SNTG2: variants seen among roughly 807,000 people sequenced by gnomAD.
The protein encoded by SNTG2 is gamma-2-syntrophin.
Under a neutral mutation model 70.9 loss-of-function variants are expected in SNTG2, and 74 were observed. That is an observed-to-expected ratio of 1.04 (90% confidence interval 0.86 to 1.27). SNTG2 has a LOEUF of 1.27. Ranked by LOEUF, SNTG2 falls within the 50% of genes most tolerant of loss-of-function variation. SNTG2 has a pLI of 0.00. For missense variants in SNTG2, 717 were observed against 690.7 expected, an observed-to-expected ratio of 1.04 and a Z score of -0.43; for synonymous variants, 278 against 273.8, an observed-to-expected ratio of 1.02 and a Z score of -0.15.
At chr2:1,066,115 A>G (rs1189294572) in intron 1 of SNTG2, among the ~76,000 whole-genome samples, 3 of 152,196 alleles carry the variant, frequency 2.0e-5, no homozygotes, top group Non-Finnish European at 2.9e-5. Context: ...TACAAGCAAT[A>G]CATTTTTGCC....
intron 6 of SNTG2, among the ~76,000 whole-genome samples, chr2:1,147,130 G>A (rs1669153424): frequency 6.6e-6 from 1 of 152,138 alleles, no homozygotes; most frequent in South Asian, 2.1e-4. Flanking sequence ...ATTATGTTAG[G>A]TATAATTATA....
At chr2:1,117,882 C>T (rs78129181) in intron 4 of SNTG2, among the ~76,000 whole-genome samples, 1,912 of 152,322 alleles carry the variant, frequency 0.013, 33 homozygotes, top group African/African-American at 0.041. Context: ...ATCTCCTGGG[C>T]TCTAGTTGCT....
chr2:1,318,839 T>A (rs571602461), intron 16 of SNTG2, among the ~76,000 whole-genome samples: 21 of 152,268 alleles, frequency 1.4e-4, no homozygotes, highest in Non-Finnish European at 2.6e-4. Flanking sequence ...TCTCATACTG[T>A]GAGGGTGCCG....
intron 6 of SNTG2, among the ~76,000 whole-genome samples, chr2:1,162,529 T>C: frequency 6.6e-6 from 1 of 152,086 alleles, no homozygotes; most frequent in Non-Finnish European, 1.5e-5. Context: ...ACAGTGGCTG[T>C]CACTTGCTGG....
In SNTG2 at chr2:1,063,863, G is replaced by A. The variant is rs543464054; in HGVS notation, c.73-19655G>A. Reference sequence around the variant, plus strand: ...AGATTCCCAGAAGAATGGAACAGAAGGGATATTTGAACATACAATGGCCAC... The same window carrying A: ...AGATTCCCAGAAGAATGGAACAGAAAGGATATTTGAACATACAATGGCCAC... On this transcript the variant is annotated intron_variant, in intron 1 of 16. Coordinates refer to ENST00000308624, the MANE Select transcript of SNTG2 (RefSeq NM_018968.4). Among the ~76,000 whole-genome samples, 3 of 152,262 alleles carry A rather than the reference G, an allele frequency of 2.0e-5. No individual in the cohort carries two copies. The South Asian group carries it at 6.2e-4, about 32-fold the overall frequency.
At chr2:1,212,184 A>G (rs532673413) in intron 9 of SNTG2, among the ~76,000 whole-genome samples, 1 of 152,252 alleles carries the variant, frequency 6.6e-6, no homozygotes, top group East Asian at 1.9e-4. Context: ...TGGGTTAGCA[A>G]AATCTCCCTT....
rs532755036 is a variant in SNTG2 at position 1,320,867 on chromosome 2, G to GC, written c.1488+4499dup. Among the ~76,000 whole-genome samples, 19 of 152,120 alleles carry GC rather than the reference G, an allele frequency of 1.2e-4. No homozygotes were observed. In the South Asian group the frequency reaches 2.5e-3, roughly 20 times the overall value. The stretch of plus-strand genomic sequence containing the variant: ...ATTCCCACGAAAGATACCCAGGGAG[G>GC]CCCCCCCATGTTTCTGTGTATATTG... On this transcript the variant is annotated intron_variant, in intron 16 of 16. Transcript: ENST00000308624.
intron 8 of SNTG2, among the ~76,000 whole-genome samples, chr2:1,207,157 G>C (rs962802668): frequency 6.6e-6 from 1 of 152,202 alleles, no homozygotes; most frequent in African/African-American, 2.4e-5. Flanking sequence ...TGGTATTTCA[G>C]CAAAGCTAAT....
chr2:1,172,711 C>A (rs572939790), intron 7 of SNTG2, among the ~76,000 whole-genome samples: 1 of 152,156 alleles, frequency 6.6e-6, no homozygotes, highest in South Asian at 2.1e-4. Context: ...TTTTGAGTGG[C>A]CTGGTATGAT....
intron 6 of SNTG2, among the ~76,000 whole-genome samples, chr2:1,153,702 A>C (rs1364059955): frequency 6.6e-6 from 1 of 152,250 alleles, no homozygotes; most frequent in Non-Finnish European, 1.5e-5. Flanking sequence ...GTGGATAATA[A>C]CTAATTGCAC....
At chr2:1,367,288 G>A in intron 16 of SNTG2, 55 bp from the exon 17 acceptor site, 1 of 1,466,062 alleles carries the variant, frequency 6.8e-7, no homozygotes, top group South Asian at 1.4e-5. Context: ...AAATATTTTT[G>A]TAACGTGTTC....
intron 1 of SNTG2, among the ~76,000 whole-genome samples, chr2:1,021,017 A>G (rs1188177702): frequency 6.6e-6 from 1 of 152,142 alleles, no homozygotes; most frequent in Non-Finnish European, 1.5e-5. Flanking sequence ...GCTTTTCCTC[A>G]TCAACTATAG....
chr2:1,039,071 G>A (rs1224679421), intron 1 of SNTG2, among the ~76,000 whole-genome samples: 1 of 152,198 alleles, frequency 6.6e-6, no homozygotes, highest in African/African-American at 2.4e-5. Context: ...GAAGGTGATA[G>A]TATCTTTTAT....
chr2:1,026,936 C>T (rs1660510369), intron 1 of SNTG2, among the ~76,000 whole-genome samples: 1 of 152,210 alleles, frequency 6.6e-6, no homozygotes, highest in Non-Finnish European at 1.5e-5. Flanking sequence ...TGTCTGCACT[C>T]CTTGGCTTAG....
At chr2:975,747 TTAGC>T (rs898681623) in intron 1 of SNTG2, among the ~76,000 whole-genome samples, 2 of 152,216 alleles carry the variant, frequency 1.3e-5, no homozygotes, top group Non-Finnish European at 2.9e-5. Context: ...AATTGTGAGT[TTAGC>T]TATGTAACTT....
At chr2:1,053,849 A>G (rs1373189815) in intron 1 of SNTG2, among the ~76,000 whole-genome samples, 1 of 151,514 alleles carries the variant, frequency 6.6e-6, no homozygotes, top group Non-Finnish European at 1.5e-5. Context: ...CTTTCAGGTA[A>G]TTCTGTTTCC....
In SNTG2 at chr2:1,137,768, G is replaced by A. The variant is rs1377412641; in HGVS notation, c.370G>A (p.Val124Ile). ...MLFVGDAVLQVNGIHVENATH... is the reference protein window; with the variant it reads ...MLFVGDAVLQINGIHVENATH... ...CATTCTTACTTTGTCATCTGTTCAG[G>A]TTAATGGCATACATGTAGAAAATGC... The change falls in exon 6 of 17, where the codon GTT becomes ATT. Residue 124 changes from valine to isoleucine, a missense_variant and splice_region_variant. Transcript: ENST00000308624. 6.2e-7 allele frequency: 1 copy of A among 1,613,692 alleles called. No homozygotes were observed. The highest frequency in any genetic ancestry group is 8.5e-7 in the Non-Finnish European group (1 of 1,179,798).
At chr2:1,096,209 C>T (rs1425101230) in intron 2 of SNTG2, among the ~76,000 whole-genome samples, 1 of 152,126 alleles carries the variant, frequency 6.6e-6, no homozygotes, top group Non-Finnish European at 1.5e-5. Context: ...CTTTATTGAG[C>T]TACAACTAAT....
chr2:1,182,147 A>C (rs1204578391), intron 8 of SNTG2, among the ~76,000 whole-genome samples: 1 of 152,110 alleles, frequency 6.6e-6, no homozygotes, highest in Non-Finnish European at 1.5e-5. Flanking sequence ...TGGTGCCTTC[A>C]CTCAGTGTTC....
Sources: allele counts gnomAD v4.1 joint callset (sites outside exome capture counted in the v4.1 genomes callset), GRCh38; gene constraint gnomAD v4.1.1; transcripts MANE v1.5; gene names NCBI Gene and HGNC (gene_info 2026-07-23, HGNC 2026-07-21).